CAMTA1: variants seen among roughly 807,000 people sequenced by gnomAD.
CAMTA1 encodes the protein calmodulin-binding transcription activator 1.
In CAMTA1, 27 loss-of-function variants were observed where a neutral mutation model predicts 170.9. The observed-to-expected ratio is 0.16, with a 90% CI of 0.12 to 0.22. The LOEUF (loss-of-function observed/expected upper bound fraction) is 0.22, where lower values mean the gene tolerates loss of function less well. CAMTA1 is among the 10% of genes least tolerant of loss of function. CAMTA1 has a pLI of 1.00. For missense variants in CAMTA1, 1,619 were observed against 2,217.2 expected (o/e 0.73, Z 5.42); for synonymous variants, 833 against 891.5 (o/e 0.93, Z 1.17).
At chr1:7,160,608 G>T (rs1193771755) in intron 4 of CAMTA1, among the ~76,000 whole-genome samples, 2 of 151,986 alleles carry the variant, frequency 1.3e-5, no homozygotes, top group African/African-American at 4.8e-5. Flanking sequence ...CTATATTTGT[G>T]ATGCTCAAGA....
At chr1:6,854,154 T>C (rs1050805934) in intron 3 of CAMTA1, among the ~76,000 whole-genome samples, 1 of 152,228 alleles carries the variant, frequency 6.6e-6, no homozygotes, top group African/African-American at 2.4e-5. Context: ...AAATATATGA[T>C]GCTGGTCTCA....
rs1001388635 is a variant in CAMTA1, at chr1:7,633,983, G to A, written c.511-6417G>A. Among the ~76,000 whole-genome samples, 2 of 152,340 alleles carry A rather than the reference G, an allele frequency of 1.3e-5. No individual in the cohort carries two copies. Among genetic ancestry groups the A allele is most frequent in the African/African-American group, 4.8e-5 (2 of 41,586 alleles). On this transcript the variant is annotated intron_variant, in intron 6 of 22. Coordinates refer to ENST00000303635, the MANE Select transcript of CAMTA1 (RefSeq NM_015215.4). The surrounding 1 kb of genome is among the most constrained non-coding windows in gnomAD (Gnocchi z 4.1). ...GAGAGAAGCGGCAGATCTGGGGAAT[G>A]GGGTGGCGGGAGCCAGGTGCATGAG... is the stretch of plus-strand genomic sequence containing the variant.
chr1:7,118,727 T>C (rs1031872051), intron 4 of CAMTA1, among the ~76,000 whole-genome samples: 1 of 152,166 alleles, frequency 6.6e-6, no homozygotes, highest in Admixed American at 6.5e-5. Flanking sequence ...GCCTGTTTGC[T>C]TTTGCAAACA....
intron 5 of CAMTA1, among the ~76,000 whole-genome samples, chr1:7,311,040 G>A (rs1056848774): frequency 1.3e-5 from 2 of 151,994 alleles, no homozygotes; most frequent in African/African-American, 2.4e-5. Context: ...CAACAAGATT[G>A]TTTTTCTTTG....
chr1:7,266,000 T>C (rs1334717434), intron 5 of CAMTA1, among the ~76,000 whole-genome samples: 1 of 152,260 alleles, frequency 6.6e-6, no homozygotes, highest in Non-Finnish European at 1.5e-5. Context: ...AGTGGAGCTC[T>C]CTTCCCTTGA....
At chr1:7,310,078 A>T (rs1301534696) in intron 5 of CAMTA1, among the ~76,000 whole-genome samples, 1 of 152,136 alleles carries the variant, frequency 6.6e-6, no homozygotes, top group Admixed American at 6.5e-5. Context: ...TCTTTTAGAA[A>T]TTTCTTAGAG....
chr1:7,406,752 A>G (rs1031739060), intron 5 of CAMTA1, among the ~76,000 whole-genome samples: 5 of 152,122 alleles, frequency 3.3e-5, no homozygotes, highest in Non-Finnish European at 7.4e-5. Context: ...CGGCGGCTCT[A>G]CCCAGAAGCA....
At chr1:7,311,359 C>T (rs1313742000) in intron 5 of CAMTA1, among the ~76,000 whole-genome samples, 3 of 152,092 alleles carry the variant, frequency 2.0e-5, no homozygotes, top group African/African-American at 4.8e-5. Context: ...CTCACTTTTT[C>T]CTGTAATCAC....
chr1:7,526,717 T>C (rs2094436118), intron 6 of CAMTA1, among the ~76,000 whole-genome samples: 1 of 152,140 alleles, frequency 6.6e-6, no homozygotes, highest in African/African-American at 2.4e-5. Flanking sequence ...CCAGCCTGCG[T>C]TCTAGCAGTG....
chr1:7,210,425 C>T (rs1019978533), intron 4 of CAMTA1, among the ~76,000 whole-genome samples: 1 of 152,138 alleles, frequency 6.6e-6, no homozygotes, highest in Non-Finnish European at 1.5e-5. Context: ...CTTAGTGCAT[C>T]GTGTTAGAAG....
intron 3 of CAMTA1, among the ~76,000 whole-genome samples, chr1:6,954,878 G>T (rs184242454): frequency 5.8e-4 from 89 of 152,158 alleles, no homozygotes; most frequent in Admixed American, 2.0e-3. Flanking sequence ...GAGCAGCCTC[G>T]TCTATGGTGC....
At chr1:7,625,746 A>G (rs115644294) in intron 6 of CAMTA1, among the ~76,000 whole-genome samples, 1,679 of 152,318 alleles carry the variant, frequency 0.011, 34 homozygotes, top group African/African-American at 0.039. Context: ...GGTATTCAGG[A>G]TGTCGAGCCC....
intron 4 of CAMTA1, among the ~76,000 whole-genome samples, chr1:7,123,608 C>G (rs1011975719): frequency 2.0e-5 from 3 of 152,188 alleles, no homozygotes; most frequent in Non-Finnish European, 4.4e-5. Context: ...GTGGCAGTCC[C>G]TCTGCTTTGG....
chr1:7,608,041 T>C (rs187634936), intron 6 of CAMTA1, among the ~76,000 whole-genome samples: 138 of 152,286 alleles, frequency 9.1e-4, no homozygotes, highest in African/African-American at 3.3e-3. Context: ...TAGTTCCTCC[T>C]GAGCCCCTGT....
chr1:7,044,214 A>C lies in CAMTA1; in HGVS notation c.235-47090A>C, dbSNP rs1336643423. ...GCTGCAGAGCAGGCGCCCCAGTGTC[A>C]TGGACCCTGTGGCCACAGCTGCTGG... is the stretch of plus-strand genomic sequence containing the variant. On this transcript the variant is annotated intron_variant, in intron 3 of 22. Transcript: ENST00000303635. This position sits in a 1 kb window ranked among gnomAD's most constrained non-coding sequence, Gnocchi z 5.0. 6.6e-6 allele frequency among the ~76,000 whole-genome samples: 1 copy of C among 152,204 alleles called. No homozygotes were observed. Among genetic ancestry groups the C allele is most frequent in the African/African-American group, 2.4e-5 (1 of 41,460 alleles).
chr1:7,528,187 C>T (rs915016300), intron 6 of CAMTA1, among the ~76,000 whole-genome samples: 1 of 152,072 alleles, frequency 6.6e-6, no homozygotes, highest in African/African-American at 2.4e-5. Flanking sequence ...AGCTTTTCCA[C>T]GCATTTCTTT....
chr1:6,884,319 C>CACACACACACAG (rs970709268), intron 3 of CAMTA1, among the ~76,000 whole-genome samples: 1 of 148,726 alleles, frequency 6.7e-6, no homozygotes, highest in Non-Finnish European at 1.5e-5. Context: ...CACACACACA[C>CACACACACACAG]ACACACACAC....
In CAMTA1 at chr1:7,275,389, G is replaced by C. The variant is rs185933782; in HGVS notation, c.438+25763G>C. 4.4e-3 allele frequency among the ~76,000 whole-genome samples: 663 copies of C among 151,846 alleles called. 11 individuals carry two copies. The highest frequency in any genetic ancestry group is 0.032 in the Admixed American group (485 of 15,256). The stretch of plus-strand genomic sequence containing the variant: ...GAAGAACCAATTAAAACCAAAATAA[G>C]TAAGGAAAAAGGTAATATTAAAATA... On this transcript the variant is annotated intron_variant, in intron 5 of 22. Transcript: ENST00000303635.
intron 3 of CAMTA1, among the ~76,000 whole-genome samples, chr1:6,890,824 TCCTC>T (rs1317688933): frequency 1.3e-5 from 2 of 152,092 alleles, no homozygotes; most frequent in African/African-American, 2.4e-5. Flanking sequence ...TTTCCTGCTT[TCCTC>T]CCCAAATGCT....
Sources: gnomAD v4.1 joint callset for allele counts (sites outside exome capture counted in the v4.1 genomes callset) on GRCh38, gnomAD v4.1.1 for gene constraint, Gnocchi (gnomAD v3.1) non-coding constraint, MANE v1.5 for transcripts, NCBI Gene and HGNC (gene_info 2026-07-23, HGNC 2026-07-21) for gene names.